The following ST3GAL4 variants were observed in gnomAD, a reference collection of about 807,000 sequenced individuals.
ST3GAL4 encodes the protein ST3 beta-galactoside alpha-2,3-sialyltransferase 4, also known as CMP-N-acetylneuraminate-beta-galactosamide-alpha-2,3-sialyltransferase 4.
In ST3GAL4, 24 loss-of-function variants were observed where a neutral mutation model predicts 42.6. The observed-to-expected ratio is 0.56, with a 90% CI of 0.41 to 0.79. The LOEUF is 0.79. ST3GAL4 is among the 30% of genes least tolerant of loss of function. The pLI is 0.00. For missense variants in ST3GAL4, 311 were observed against 430.8 expected (o/e 0.72, Z 2.46); for synonymous variants, 135 against 163.2 (o/e 0.83, Z 1.32).
chr11:126,385,472 T>C lies in ST3GAL4; in HGVS notation c.-60-20624T>C, dbSNP rs1953191632. On this transcript the variant is annotated intron_variant, in intron 1 of 10. Transcript: ENST00000444328. The stretch of plus-strand genomic sequence containing the variant: ...TGACCCACCTGGTGAGTTTCTGAGC[T>C]CCAGACAACTCATCCCAAATTTCAT... 2.0e-5 allele frequency among the ~76,000 whole-genome samples: 3 copies of C among 152,104 alleles called. No individual in the cohort carries two copies. In the South Asian group the frequency reaches 6.2e-4, roughly 32 times the overall value.
In ST3GAL4 at chr11:126,411,491, A is replaced by G. The variant is rs766424423; in HGVS notation, c.772-2014A>G. 2.6e-5 allele frequency among the ~76,000 whole-genome samples: 4 copies of G among 152,146 alleles called. No homozygotes were observed. Among genetic ancestry groups the G allele is most frequent in the Non-Finnish European group, 5.9e-5 (4 of 68,034 alleles). On this transcript the variant is annotated intron_variant, in intron 9 of 10. Coordinates refer to ENST00000444328, the MANE Select transcript of ST3GAL4 (RefSeq NM_001254757.2). The surrounding 1 kb of genome is among the most constrained non-coding windows in gnomAD (Gnocchi z 6.3). ...AATACCACAAGTTTAGCCGGCTAAA[A>G]CAATACCCATGTACTGGCTCATGGT...
intron 9 of ST3GAL4, 66 bp from the exon 10 acceptor site, chr11:126,413,439 C>A: frequency 6.3e-7 from 1 of 1,585,486 alleles, no homozygotes; most frequent in Non-Finnish European, 8.6e-7. Flanking sequence ...CACTGCAGAG[C>A]GCTGGCAGAG....
Position 126,409,214 on chromosome 11 carries a change from G to T in ST3GAL4, c.628-54G>T. 2 of 1,600,188 alleles carry T rather than the reference G, an allele frequency of 1.2e-6. No individual in the cohort carries two copies. The highest frequency in any genetic ancestry group is 1.1e-5 in the South Asian group (1 of 90,258). ...CGCTGAGGACCACTGGGTTGGATTTGAGAAACAGGGCTTCACCCGCTTCTG... is the reference window on the plus strand; with the variant it reads ...CGCTGAGGACCACTGGGTTGGATTTTAGAAACAGGGCTTCACCCGCTTCTG... On this transcript the variant is annotated intron_variant, in intron 8 of 10. Transcript: ENST00000444328. The surrounding 1 kb of genome is among the most constrained non-coding windows in gnomAD (Gnocchi z 4.9).
Position 126,414,198 on chromosome 11 carries a change from G to C in ST3GAL4, c.*151G>C. 1 of 727,132 alleles carries C rather than the reference G, an allele frequency of 1.4e-6. No individual in the cohort carries two copies. The highest frequency in any genetic ancestry group is 2.6e-5 in the East Asian group (1 of 37,768). 45.0% of individuals were successfully genotyped at this position (727,132 alleles called of 1,614,324 possible). ...CTGGGCCTGGCCAGGTCTGAGATGA[G>C]GCCATGCCCCTGGCTGCTCTTATGG... On this transcript the variant is annotated 3_prime_UTR_variant, in exon 11 of 11. Coordinates refer to ENST00000444328, the MANE Select transcript of ST3GAL4 (RefSeq NM_001254757.2).
Position 126,371,545 on chromosome 11 carries a change from A to G in ST3GAL4, c.-61+15703A>G, listed in dbSNP as rs528032563. Among the ~76,000 whole-genome samples the G allele has an allele frequency of 1.9e-4, 29 of 152,094 alleles. 1 individual carries two copies. Among genetic ancestry groups the G allele is most frequent in the Non-Finnish European group, 3.7e-4 (25 of 68,034 alleles). On this transcript the variant is annotated intron_variant, in intron 1 of 10. Coordinates refer to ENST00000444328, the MANE Select transcript of ST3GAL4 (RefSeq NM_001254757.2). The stretch of plus-strand genomic sequence containing the variant: ...CTGTTTTCTGATTCATCCTTTATCT[A>G]TTTGCAACACTTTAAAAAGTTAATG...
chr11:126,395,851 C>T (rs189814204), intron 1 of ST3GAL4, among the ~76,000 whole-genome samples: 45 of 152,272 alleles, frequency 3.0e-4, no homozygotes, highest in African/African-American at 1.1e-3. Context: ...TCTTTATCAG[C>T]AGCACGAAAA....
intron 1 of ST3GAL4, among the ~76,000 whole-genome samples, chr11:126,404,486 CA>C (rs1312269290): frequency 6.6e-6 from 1 of 152,048 alleles, no homozygotes; most frequent in Non-Finnish European, 1.5e-5. Context: ...GGGAGACAGA[CA>C]GAAAGAAAAC....
rs950702697 is a variant in ST3GAL4 at position 126,384,613 on chromosome 11, G to C, written c.-60-21483G>C. ...TGGGAAGGCTGAATGGGGCGGAACT[G>C]GTCAGGGCCTGGCACCAACTCCAGG... On this transcript the variant is annotated intron_variant, in intron 1 of 10. Coordinates refer to ENST00000444328, the MANE Select transcript of ST3GAL4 (RefSeq NM_001254757.2). The surrounding 1 kb of genome is among the most constrained non-coding windows in gnomAD (Gnocchi z 5.5). The C allele has an allele frequency of 4.3e-6, 4 of 932,988 alleles. No individual in the cohort carries two copies. Among genetic ancestry groups the C allele is most frequent in the Non-Finnish European group, 3.8e-6 (3 of 782,346 alleles). 57.8% of individuals were successfully genotyped at this position (932,988 alleles called of 1,614,324 possible).
intron 1 of ST3GAL4, among the ~76,000 whole-genome samples, chr11:126,367,714 A>G (rs1952486466): frequency 6.6e-6 from 1 of 152,172 alleles, no homozygotes; most frequent in South Asian, 2.1e-4. Context: ...TTCTGGCTGA[A>G]TTTTAAATCC....
chr11:126,383,002 G>A lies in ST3GAL4; in HGVS notation c.-60-23094G>A, dbSNP rs1953066696. ...GTCCCTGTCACTGGGACTGGGCACA[G>A]GTGCAGAGAGGCTGAGACAGGCCCA... On this transcript the variant is annotated intron_variant, in intron 1 of 10. Transcript: ENST00000444328. The surrounding 1 kb of genome is among the most constrained non-coding windows in gnomAD (Gnocchi z 4.5). Among the ~76,000 whole-genome samples the A allele has an allele frequency of 1.3e-5, 2 of 152,242 alleles. No individual in the cohort carries two copies. The highest frequency in any genetic ancestry group is 2.1e-4 in the South Asian group (1 of 4,834).
chr11:126,360,076 A>G (rs575451128), intron 1 of ST3GAL4, among the ~76,000 whole-genome samples: 23 of 152,232 alleles, frequency 1.5e-4, no homozygotes, highest in Non-Finnish European at 2.9e-4. Context: ...CAAAGACCCA[A>G]TTCTCCTTCC....
chr11:126,406,414 G>A lies in ST3GAL4; in HGVS notation c.17-59G>A, dbSNP rs1565423691. On this transcript the variant is annotated intron_variant, in intron 2 of 10. Transcript: ENST00000444328. This position sits in a 1 kb window ranked among gnomAD's most constrained non-coding sequence, Gnocchi z 5.4. ...CTCAGAAGGGGGCAGGTGGGAAGGTGGACGGGGGTTGTACCTGCCTGTTGC... is the reference window on the plus strand; with the variant it reads ...CTCAGAAGGGGGCAGGTGGGAAGGTAGACGGGGGTTGTACCTGCCTGTTGC... 1 of 1,612,956 alleles carries A rather than the reference G, an allele frequency of 6.2e-7. No homozygotes were observed. Among genetic ancestry groups the A allele is most frequent in the Non-Finnish European group, 8.5e-7 (1 of 1,179,616 alleles).
chr11:126,360,634 G>T (rs1000845416), intron 1 of ST3GAL4, among the ~76,000 whole-genome samples: 2 of 152,170 alleles, frequency 1.3e-5, no homozygotes, highest in Non-Finnish European at 2.9e-5. Context: ...ATGTTGGCCA[G>T]GCTGGTCTCG....
chr11:126,361,433 G>C (rs1453699535), intron 1 of ST3GAL4, among the ~76,000 whole-genome samples: 1 of 150,260 alleles, frequency 6.7e-6, no homozygotes. Flanking sequence ...TCATTTTCTG[G>C]TAGCATGCCG....
chr11:126,406,593 G>A lies in ST3GAL4; in HGVS notation c.101+36G>A. The A allele has an allele frequency of 6.2e-7, 1 of 1,613,886 alleles. No homozygotes were observed. Among genetic ancestry groups the A allele is most frequent in the Non-Finnish European group, 8.5e-7 (1 of 1,179,918 alleles). Reference sequence around the variant, plus strand: ...CTTCCATGTCCTTCCAGTGGCTCTTGTCAGGGACAGGGCTTAGGGATGGAG... The same window carrying A: ...CTTCCATGTCCTTCCAGTGGCTCTTATCAGGGACAGGGCTTAGGGATGGAG... On this transcript the variant is annotated intron_variant, in intron 3 of 10. Coordinates refer to ENST00000444328, the MANE Select transcript of ST3GAL4 (RefSeq NM_001254757.2). This position sits in a 1 kb window ranked among gnomAD's most constrained non-coding sequence, Gnocchi z 5.4.
In ST3GAL4 at chr11:126,411,177, G is replaced by T. The variant is rs1242032964; in HGVS notation, c.771+1766G>T. On this transcript the variant is annotated intron_variant, in intron 9 of 10. Coordinates refer to ENST00000444328, the MANE Select transcript of ST3GAL4 (RefSeq NM_001254757.2). The surrounding 1 kb of genome is among the most constrained non-coding windows in gnomAD (Gnocchi z 6.3). ...GTTTTTTTTTTTGAGATGGAGTCTT[G>T]CTCTGTCACCCAGGCTGGAGTGCAG... is the stretch of plus-strand genomic sequence containing the variant. Among the ~76,000 whole-genome samples, 1 of 151,372 alleles carries T rather than the reference G, an allele frequency of 6.6e-6. No individual in the cohort carries two copies. Among genetic ancestry groups the T allele is most frequent in the Admixed American group, 6.6e-5 (1 of 15,206 alleles).
intron 1 of ST3GAL4, among the ~76,000 whole-genome samples, chr11:126,394,786 A>G (rs918575493): frequency 4.8e-5 from 6 of 124,192 alleles, no homozygotes; most frequent in Non-Finnish European, 6.4e-5. Context: ...GGGTGATACA[A>G]TGTTTCTGTA....
chr11:126,394,441 C>T (rs553210825), intron 1 of ST3GAL4, among the ~76,000 whole-genome samples: 3 of 152,228 alleles, frequency 2.0e-5, no homozygotes, highest in African/African-American at 7.2e-5. Context: ...TTTTTCTTTT[C>T]TTTTTGTTTG....
At chr11:126,390,341 G>A (rs1362718643) in intron 1 of ST3GAL4, among the ~76,000 whole-genome samples, 1 of 103,594 alleles carries the variant, frequency 9.7e-6, no homozygotes, top group African/African-American at 3.3e-5. Context: ...GTTTTTTTTT[G>A]CTATTGCAGC....
Sources: allele counts gnomAD v4.1 joint callset (sites outside exome capture counted in the v4.1 genomes callset), GRCh38; gene constraint gnomAD v4.1.1; non-coding constraint Gnocchi (gnomAD v3.1); transcripts MANE v1.5; gene names NCBI Gene and HGNC (gene_info 2026-07-23, HGNC 2026-07-21).